Variants in DPP6 observed in about 807,000 individuals in gnomAD.
DPP6 encodes the protein dipeptidyl peptidase like 6.
A neutral mutation model predicts 122.6 loss-of-function variants in DPP6; 69 were observed. The observed-to-expected ratio is 0.56, with a 90% CI of 0.46 to 0.69. The LOEUF is 0.69. DPP6 is among the 30% of genes least tolerant of loss of function. DPP6 has a pLI of 0.00. For missense variants in DPP6, 928 were observed against 1,116.9 expected (o/e 0.83, Z 2.41); for synonymous variants, 418 against 433.1 (o/e 0.97, Z 0.43).
At chr7:154,296,702 C>T (rs983253865) in intron 1 of DPP6, among the ~76,000 whole-genome samples, 8 of 152,228 alleles carry the variant, frequency 5.3e-5, no homozygotes, top group African/African-American at 1.9e-4. Context: ...CCTGAAGGCC[C>T]CACATGATGC....
intron 1 of DPP6, among the ~76,000 whole-genome samples, chr7:153,966,036 T>G: frequency 1.4e-5 from 2 of 143,178 alleles, no homozygotes; most frequent in African/African-American, 2.6e-5. Context: ...AAAGAAGAGG[T>G]AGATATGGAG....
At chr7:153,936,810 C>CA (rs11352622) in intron 1 of DPP6, among the ~76,000 whole-genome samples, 37 of 148,264 alleles carry the variant, frequency 2.5e-4, no homozygotes, top group South Asian at 1.3e-3. Flanking sequence ...GACTCCGTCT[C>CA]AAAAAAAAAA....
At chr7:154,306,286 G>A (rs1806340847) in intron 1 of DPP6, among the ~76,000 whole-genome samples, 1 of 152,210 alleles carries the variant, frequency 6.6e-6, no homozygotes, top group Non-Finnish European at 1.5e-5. Flanking sequence ...GAGGAAAGGT[G>A]AGTCAGCCAG....
chr7:153,963,708 G>T (rs1470609876), intron 1 of DPP6, among the ~76,000 whole-genome samples: 1 of 152,180 alleles, frequency 6.6e-6, no homozygotes, highest in African/African-American at 2.4e-5. Flanking sequence ...AAGAGATCTG[G>T]GTTGCATGCT....
chr7:154,307,812 A>G (rs112761177), intron 1 of DPP6, among the ~76,000 whole-genome samples: 2 of 150,876 alleles, frequency 1.3e-5, no homozygotes, highest in African/African-American at 2.4e-5. Flanking sequence ...GGATACCTCT[A>G]TTCCCAGGCT....
At chr7:153,839,685 T>A in the DPP6 span, among the ~76,000 whole-genome samples, 1 of 152,220 alleles carries the variant, frequency 6.6e-6, no homozygotes, top group African/African-American at 2.4e-5. Flanking sequence ...TCAAGTTAAT[T>A]TCATGGAGGA....
chr7:154,783,300 G>A (rs1234216803), intron 10 of DPP6, among the ~76,000 whole-genome samples: 6 of 152,142 alleles, frequency 3.9e-5, no homozygotes, highest in African/African-American at 1.4e-4. Context: ...GCGAAATCAG[G>A]ACAGCTCACA....
intron 5 of DPP6, among the ~76,000 whole-genome samples, chr7:154,632,503 A>G (rs1454005697): frequency 6.6e-6 from 1 of 152,188 alleles, no homozygotes; most frequent in Non-Finnish European, 1.5e-5. Context: ...TGAGTGCATG[A>G]TGGAGCTACC....
At chr7:154,771,515 C>A (rs1796248858) in intron 9 of DPP6, among the ~76,000 whole-genome samples, 1 of 152,216 alleles carries the variant, frequency 6.6e-6, no homozygotes, top group South Asian at 2.1e-4. Context: ...TCAATCACCT[C>A]CCAAAGGTCT....
chr7:154,576,003 C>T (rs1831645997), intron 5 of DPP6, among the ~76,000 whole-genome samples: 2 of 152,084 alleles, frequency 1.3e-5, no homozygotes, highest in Admixed American at 1.3e-4. Context: ...CATCCCCAGA[C>T]AGGGGGAAGT....
the DPP6 span, among the ~76,000 whole-genome samples, chr7:153,759,359 C>A: frequency 2.0e-5 from 3 of 151,880 alleles, no homozygotes; most frequent in South Asian, 6.3e-4. Flanking sequence ...CGCTCTGTCA[C>A]CCAGGCTGGA....
intron 9 of DPP6, 124 bp downstream of exon 9, chr7:154,769,695 G>C: frequency 1.6e-6 from 2 of 1,266,580 alleles, no homozygotes; most frequent in Non-Finnish European, 2.1e-6. Context: ...ACACAAGAAA[G>C]ACTAATCATG....
At chr7:153,950,322 G>A (rs1426763328) in intron 1 of DPP6, among the ~76,000 whole-genome samples, 1 of 151,618 alleles carries the variant, frequency 6.6e-6, no homozygotes, top group African/African-American at 2.4e-5. Context: ...GCCCAAGAGA[G>A]CCGCTGAAAC....
At chr7:154,044,048 G>A (rs1251313073) in intron 1 of DPP6, among the ~76,000 whole-genome samples, 3 of 151,400 alleles carry the variant, frequency 2.0e-5, no homozygotes, top group Admixed American at 2.0e-4. Context: ...ACCTCATCCC[G>A]CTGCAGCTGA....
chr7:154,505,661 G>T (rs1261682973), intron 3 of DPP6, among the ~76,000 whole-genome samples: 2 of 152,150 alleles, frequency 1.3e-5, no homozygotes, highest in African/African-American at 2.4e-5. Context: ...CTCCTAAGTA[G>T]ACTGGGTTTA....
At chr7:154,866,288 T>A in intron 17 of DPP6, among the ~76,000 whole-genome samples, 1 of 152,306 alleles carries the variant, frequency 6.6e-6, no homozygotes, top group South Asian at 2.1e-4. Flanking sequence ...ATAAACCAAC[T>A]CCTCTCACCT....
chr7:154,326,522 T>C (rs1585948458), intron 1 of DPP6, among the ~76,000 whole-genome samples: 2 of 152,350 alleles, frequency 1.3e-5, no homozygotes, highest in South Asian at 2.1e-4. Context: ...ACCAGTGGAC[T>C]AATTTCCCTT....
At chr7:154,193,933 A>C (rs1204851765) in intron 1 of DPP6, among the ~76,000 whole-genome samples, 2 of 152,018 alleles carry the variant, frequency 1.3e-5, no homozygotes, top group African/African-American at 4.8e-5. Context: ...GGCCTTTTTG[A>C]ATTGAAGTGC....
At chr7:153,878,505 G>C in the DPP6 span, among the ~76,000 whole-genome samples, 1 of 152,252 alleles carries the variant, frequency 6.6e-6, no homozygotes, top group Non-Finnish European at 1.5e-5. Context: ...TCTCCCAAGG[G>C]AGACAGAGTG....
Sources: gnomAD v4.1 joint callset for allele counts (sites outside exome capture counted in the v4.1 genomes callset) on GRCh38, gnomAD v4.1.1 for gene constraint, MANE v1.5 for transcripts, NCBI Gene and HGNC (gene_info 2026-07-23, HGNC 2026-07-21) for gene names.